The following LDHAL6A variants were observed in gnomAD, a reference collection of about 807,000 sequenced individuals.
LDHAL6A encodes lactate dehydrogenase A like 6A.
LDHAL6A carries 19 observed loss-of-function variants against 28.2 expected under a neutral mutation model. The ratio of observed to expected loss-of-function variants is 0.67; its 90% CI spans 0.47 to 0.99. LDHAL6A has a LOEUF of 0.99. Among genes scored for constraint, LDHAL6A ranks in the 50% least tolerant of loss-of-function variants. The pLI, the probability that LDHAL6A is intolerant of heterozygous loss-of-function variation, is 0.00. For missense variants in LDHAL6A, 372 were observed against 398.6 expected (o/e 0.93, Z 0.57); for synonymous variants, 144 against 134.4 (o/e 1.07, Z -0.49).
chr11:18,459,522 TATC>T (rs72235838), intron 1 of LDHAL6A, among the ~76,000 whole-genome samples: 2,582 of 152,304 alleles, frequency 0.017, 27 homozygotes, highest in Middle Eastern at 0.037. Flanking sequence ...TTCACATTGT[TATC>T]ATGTGGGTCA....
intron 2 of LDHAL6A, among the ~76,000 whole-genome samples, chr11:18,465,001 T>TTTTTTTTTTTTTTTTTTG (rs1849025165): frequency 4.8e-5 from 7 of 144,498 alleles, no homozygotes; most frequent in African/African-American, 1.9e-4. Flanking sequence ...TGTTTTGTTT[T>TTTTTTTTTTTTTTTTTTG]GGTTTGTTTT....
chr11:18,456,830 A>G, intron 1 of LDHAL6A, 24 bp downstream of exon 1: 1 of 1,604,830 alleles, frequency 6.2e-7, no homozygotes. Context: ...TCTGCACCAC[A>G]GGGTTCACCT....
At chr11:18,467,970 T>TACACAC (rs1565071400) in intron 3 of LDHAL6A, among the ~76,000 whole-genome samples, 1 of 38,126 alleles carries the variant, frequency 2.6e-5, no homozygotes, top group Non-Finnish European at 4.2e-5. Flanking sequence ...TATATATACG[T>TACACAC]ATATATATAC....
chr11:18,472,888 T>C (rs1456189793), intron 3 of LDHAL6A, among the ~76,000 whole-genome samples: 2 of 152,226 alleles, frequency 1.3e-5, no homozygotes, highest in Non-Finnish European at 2.9e-5. Flanking sequence ...TCAAATAATA[T>C]GAAAGTGAAC....
At chr11:18,469,306 A>C (rs990081380) in intron 3 of LDHAL6A, 2 of 490,822 alleles carry the variant, frequency 4.1e-6, no homozygotes, top group African/African-American at 4.0e-5. Context: ...TCTACCCTCA[A>C]AGTACCGCGT....
chr11:18,465,916 TC>T, intron 3 of LDHAL6A, 106 bp downstream of exon 3: 1 of 900,044 alleles, frequency 1.1e-6, no homozygotes, highest in Non-Finnish European at 1.7e-6. Context: ...GTAGGATTGA[TC>T]CTGCCACCCA....
intron 3 of LDHAL6A, among the ~76,000 whole-genome samples, chr11:18,467,876 CACACATATAT>C (rs1446910679): frequency 0.014 from 472 of 33,516 alleles, 10 homozygotes; most frequent in South Asian, 0.039. Flanking sequence ...TATATATATA[CACACATATAT>C]ATATATATAT....
intron 3 of LDHAL6A, among the ~76,000 whole-genome samples, chr11:18,473,049 T>TA (rs538269604): frequency 6.0e-4 from 89 of 148,940 alleles, no homozygotes; most frequent in East Asian, 1.4e-3. Flanking sequence ...CTACTACACT[T>TA]AAAAAAAAAA....
Position 18,477,681 on chromosome 11 carries a change from G to A in LDHAL6A, c.772G>A (p.Asp258Asn). Reference sequence around the variant, plus strand: ...TTGGGGCATTAGCCTATCTGTAGCTGATTTAACAGAAAGTATTTTGAAGAA... The same window carrying A: ...TTGGGGCATTAGCCTATCTGTAGCTAATTTAACAGAAAGTATTTTGAAGAA... ...TSWGISLSVADLTESILKNLR... is the reference protein window; with the variant it reads ...TSWGISLSVANLTESILKNLR... Residue 258 changes from aspartate (D) to asparagine (N), a missense_variant, in exon 6 of 7, where the codon GAT becomes AAT. Physicochemically the swap from Asp to Asn is conservative, Grantham distance 23. Coordinates refer to ENST00000280706, the MANE Select transcript of LDHAL6A (RefSeq NM_144972.5). The A allele has an allele frequency of 6.2e-7, 1 of 1,613,252 alleles. No homozygotes were observed. Among genetic ancestry groups the A allele is most frequent in the Non-Finnish European group, 8.5e-7 (1 of 1,179,522 alleles).
At chr11:18,468,563 C>G (rs1003666859) in intron 3 of LDHAL6A, 11 of 152,228 alleles carry the variant, frequency 7.2e-5, no homozygotes, top group African/African-American at 2.7e-4. Context: ...TGGTCTTGAA[C>G]TCCTGACCCG....
In LDHAL6A at chr11:18,456,685, C is replaced by T; in HGVS notation, c.5C>T (p.Ala2Val). Residue 2 changes from alanine (A) to valine (V), a missense_variant, in exon 1 of 7, where the codon GCA becomes GTA. Transcript: ENST00000280706. M[A>V]TIKSELIKNF... ...CTTCACTGTTAGGTTTCCAAGATGG[C>T]AACTATCAAGAGTGAACTTATTAAG... 6.2e-7 allele frequency: 1 copy of T among 1,613,458 alleles called. No homozygotes were observed. Among genetic ancestry groups the T allele is most frequent in the Non-Finnish European group, 8.5e-7 (1 of 1,179,744 alleles).
At chr11:18,459,869 G>C (rs1848851903) in intron 1 of LDHAL6A, among the ~76,000 whole-genome samples, 1 of 150,824 alleles carries the variant, frequency 6.6e-6, no homozygotes, top group Non-Finnish European at 1.5e-5. Context: ...CAAGTATTTT[G>C]TAGAACACCT....
chr11:18,466,651 C>CAAAAA (rs67371371), intron 3 of LDHAL6A, among the ~76,000 whole-genome samples: 20 of 79,320 alleles, frequency 2.5e-4, no homozygotes, highest in South Asian at 4.2e-4. Context: ...GACCCTGTCT[C>CAAAAA]AAAAAAAAAA....
chr11:18,458,302 G>C (rs1203550029), intron 1 of LDHAL6A, among the ~76,000 whole-genome samples: 1 of 152,172 alleles, frequency 6.6e-6, no homozygotes, highest in African/African-American at 2.4e-5. Flanking sequence ...GGTGATGGGA[G>C]GCACAGGCCC....
At chr11:18,477,906 A>G (rs1849430654) in intron 6 of LDHAL6A, among the ~76,000 whole-genome samples, 163 bp downstream of exon 6, 1 of 152,120 alleles carries the variant, frequency 6.6e-6, no homozygotes, top group Non-Finnish European at 1.5e-5. Context: ...GAAAGAGCCT[A>G]TCTTTGTAGA....
In LDHAL6A at chr11:18,460,931, G is replaced by A. The variant is rs565351171; in HGVS notation, c.127-3030G>A. Among the ~76,000 whole-genome samples the A allele has an allele frequency of 3.9e-5, 6 of 152,162 alleles. No individual in the cohort carries two copies. The East Asian group carries it at 7.8e-4, about 20-fold the overall frequency. On this transcript the variant is annotated intron_variant, in intron 1 of 6. Coordinates refer to ENST00000280706, the MANE Select transcript of LDHAL6A (RefSeq NM_144972.5). ...TAGCTCACAGCAACCTCCGCCTCCC[G>A]GGTTCAAGTGATTCTCCTGCCTCAG...
chr11:18,468,040 TATATATACGTATATATATATAC>T (rs1565071733), intron 3 of LDHAL6A, among the ~76,000 whole-genome samples: 355 of 14,140 alleles, frequency 0.025, 12 homozygotes, highest in East Asian at 0.073. Flanking sequence ...TATATATACA[TATATATACGTATATATATATAC>T]ATATATATAT....
chr11:18,466,288 C>CTCTT (rs34725499), intron 3 of LDHAL6A, among the ~76,000 whole-genome samples: 111,638 of 151,548 alleles, frequency 0.74, 41,294 homozygotes, highest in East Asian at 0.87. Flanking sequence ...ATTCCAGAAT[C>CTCTT]TCTGTTTTGT....
rs943323519 is a variant in LDHAL6A at position 18,471,781 on chromosome 11, A to T, written c.419-3685A>T. 6.5e-4 allele frequency among the ~76,000 whole-genome samples: 98 copies of T among 150,780 alleles called. 1 individual carries two copies. Among genetic ancestry groups the T allele is most frequent in the African/African-American group, 2.1e-3 (88 of 41,216 alleles). The stretch of plus-strand genomic sequence containing the variant: ...CTCTATTAAAAAAAAAAAAAAAAAA[A>T]ATTTTTTCCAAAAGAACAAAAATCT... On this transcript the variant is annotated intron_variant, in intron 3 of 6. Transcript: ENST00000280706.
Sources: gnomAD v4.1 joint callset for allele counts (sites outside exome capture counted in the v4.1 genomes callset) on GRCh38, gnomAD v4.1.1 for gene constraint, MANE v1.5 for transcripts, NCBI Gene and HGNC (gene_info 2026-07-23, HGNC 2026-07-21) for gene names.